Variants in RP1L1 observed in about 807,000 individuals in gnomAD.
The protein encoded by RP1L1 is retinitis pigmentosa 1-like 1 protein.
In RP1L1, 27 loss-of-function variants were observed where a neutral mutation model predicts 15.7. The ratio of observed to expected loss-of-function variants is 1.72; its 90% CI spans 1.27 to 2.38. The LOEUF (loss-of-function observed/expected upper bound fraction) is 2.38, where lower values mean the gene tolerates loss of function less well. Ranked by LOEUF, RP1L1 falls within the 30% of genes most tolerant of loss-of-function variation. The pLI, the probability that RP1L1 is intolerant of heterozygous loss-of-function variation, is 0.00. For missense variants in RP1L1, 4,798 were observed against 3,075.9 expected (o/e 1.56, Z -13.24); for synonymous variants, 1,813 against 1,276.7 (o/e 1.42, Z -8.96).
At position 10,609,379 on chromosome 8, in the gene RP1L1, CTT is replaced by C. The variant is rs1491167601; in HGVS notation, c.4717_4718del (p.Lys1573GlufsTer12). On this transcript the variant is annotated frameshift_variant, in exon 4 of 4. Transcript: ENST00000382483. LOFTEE classifies it low-confidence loss of function (END_TRUNC). ...DVAQRLQDST[K>X]RELQKLQGRA... ...GGCCCTGGAGCTTCTGGAGCTCTCT[CTT>C]GGTGCTGTCCTGGAGGCGTTGGGCC... The C allele has an allele frequency of 2.0e-5, 32 of 1,612,464 alleles. No homozygotes were observed. Among genetic ancestry groups the C allele is most frequent in the Middle Eastern group, 1.6e-4 (1 of 6,084 alleles).
At chr8:10,643,794 G>C (rs116855155) in intron 1 of RP1L1, among the ~76,000 whole-genome samples, 3 of 152,016 alleles carry the variant, frequency 2.0e-5, no homozygotes, top group Non-Finnish European at 4.4e-5. Flanking sequence ...CTCTCACCTG[G>C]GCAGGTGGTG....
rs1173592846 is a variant in RP1L1 at position 10,609,635 on chromosome 8, TG to T, written c.4462del (p.Gln1488LysfsTer36). On this transcript the variant is annotated frameshift_variant, in exon 4 of 4. Coordinates refer to ENST00000382483, the MANE Select transcript of RP1L1 (RefSeq NM_178857.6). LOFTEE classifies it low-confidence loss of function (END_TRUNC). ...EKPPGATMMGQEHTQAQPTQG... is the reference protein window; with the variant it reads ...EKPPGATMMGXEHTQAQPTQG... ...GGTGGGTTGGGCCTGCGTGTGCTCTTGGCCCATCATGGTGGCTCCGGGCGGC... is the reference window on the plus strand; with the variant it reads ...GGTGGGTTGGGCCTGCGTGTGCTCTTGCCCATCATGGTGGCTCCGGGCGGC... 1.2e-6 allele frequency: 2 copies of T among 1,608,830 alleles called. No homozygotes were observed. Among genetic ancestry groups the T allele is most frequent in the Non-Finnish European group, 1.7e-6 (2 of 1,179,976 alleles).
Position 10,611,530 on chromosome 8 carries a change from C to T in RP1L1, c.2568G>A (p.Pro856=), listed in dbSNP as rs367933781. ...SWLCGRYCPT[P]PRGRPCPQRR... is the part of the protein sequence containing the mutation. ...TCTGGGGGCAGGGCCGCCCCCTGGG[C>T]GGGGTGGGACAGTACCTGCCACACA... is the stretch of plus-strand genomic sequence containing the variant. Residue 856 remains proline, a synonymous_variant, in exon 4 of 4, where the codon CCG becomes CCA. Coordinates refer to ENST00000382483, the MANE Select transcript of RP1L1 (RefSeq NM_178857.6). 238 of 1,584,372 alleles carry T rather than the reference C, an allele frequency of 1.5e-4. 1 individual carries two copies. Among genetic ancestry groups the T allele is most frequent in the South Asian group, 4.8e-4 (42 of 88,410 alleles).
chr8:10,653,649 A>G (rs1798595665), intron 1 of RP1L1, among the ~76,000 whole-genome samples: 1 of 118,672 alleles, frequency 8.4e-6, no homozygotes, highest in Non-Finnish European at 2.1e-5. Context: ...GCACACCCAC[A>G]CACGCATACA....
intron 1 of RP1L1, among the ~76,000 whole-genome samples, chr8:10,631,334 TGCACACACACG>T (rs1798243401): frequency 1.5e-4 from 2 of 13,332 alleles, no homozygotes; most frequent in Admixed American, 1.1e-3. Context: ...CACACACACA[TGCACACACACG>T]CACACACATG....
chr8:10,616,376 C>A, intron 3 of RP1L1, 70 bp downstream of exon 3: 2 of 1,601,802 alleles, frequency 1.2e-6, no homozygotes, highest in Non-Finnish European at 1.7e-6. Context: ...ACCTGGAAGG[C>A]TTTCCACTCA....
intron 2 of RP1L1, 60 bp downstream of exon 2, chr8:10,622,533 G>T (rs550931031): frequency 6.2e-7 from 1 of 1,605,446 alleles, no homozygotes; most frequent in Non-Finnish European, 8.5e-7. Flanking sequence ...TTCCATGTGA[G>T]TATTTTGACC....
At chr8:10,644,344 T>C (rs1798446499) in intron 1 of RP1L1, among the ~76,000 whole-genome samples, 1 of 151,592 alleles carries the variant, frequency 6.6e-6, no homozygotes, top group Admixed American at 6.6e-5. Flanking sequence ...CTGCCCATGC[T>C]GAAATTCTGT....
chr8:10,633,348 A>T (rs956644260), intron 1 of RP1L1, among the ~76,000 whole-genome samples: 2 of 152,208 alleles, frequency 1.3e-5, no homozygotes, highest in African/African-American at 4.8e-5. Flanking sequence ...AAGAAGCCTG[A>T]CAAGGCAACC....
rs1434681153 is a variant in RP1L1 at position 10,610,872 on chromosome 8, G to A, written c.3226C>T (p.Pro1076Ser). Residue 1076 changes from proline (P) to serine (S), a missense_variant, in exon 4 of 4, where the codon CCT becomes TCT. Physicochemically the swap from Pro to Ser is moderately conservative, Grantham distance 74 (BLOSUM62 -1). Coordinates refer to ENST00000382483, the MANE Select transcript of RP1L1 (RefSeq NM_178857.6). ...AGCRVSLRAL[P>S]GRVSASTQIM... ...TGCGTGGAGGCAGACACCCGGCCAGGAAGTGCCCGCAGGCTCACCCTGCAG... is the reference window on the plus strand; with the variant it reads ...TGCGTGGAGGCAGACACCCGGCCAGAAAGTGCCCGCAGGCTCACCCTGCAG... 6.2e-7 allele frequency: 1 copy of A among 1,608,930 alleles called. No individual in the cohort carries two copies. The highest frequency in any genetic ancestry group is 8.5e-7 in the Non-Finnish European group (1 of 1,177,468).
In RP1L1 at chr8:10,607,750, T is replaced by C. The variant is rs1797734881; in HGVS notation, c.6348A>G (p.Ile2116Met). ...CCTCCCCTTCAGTCTCTGGGGCCTC[T>C]ATACCTTCTGCCTTCTGGGCCTCCC... ...AEGEAQKAEG[I>M]EAPETEGEAQ... Residue 2116 changes from isoleucine to methionine, a missense_variant, in exon 4 of 4, where the codon ATA becomes ATG. Physicochemically the swap from Ile to Met is conservative, Grantham distance 10 (BLOSUM62 1). Transcript: ENST00000382483. 14 of 1,599,188 alleles carry C rather than the reference T, an allele frequency of 8.8e-6. No individual in the cohort carries two copies. Among genetic ancestry groups the C allele is most frequent in the Non-Finnish European group, 1.1e-5 (13 of 1,175,134 alleles).
At chr8:10,653,871 G>C (rs894642848) in intron 1 of RP1L1, among the ~76,000 whole-genome samples, 6 of 152,132 alleles carry the variant, frequency 3.9e-5, no homozygotes, top group African/African-American at 1.2e-4. Context: ...ATGCATTTCT[G>C]GGCTGTGCAC....
In RP1L1 at chr8:10,609,513, C is replaced by T; in HGVS notation, c.4585G>A (p.Ala1529Thr). Residue 1529 changes from alanine to threonine, a missense_variant, in exon 4 of 4, where the codon GCC becomes ACC. By Grantham distance (58) the Ala-to-Thr change is moderately conservative (BLOSUM62 0). Transcript: ENST00000382483. ...VSVLLKKTEK[A>T]FLAHLASAVA... is the part of the protein sequence containing the mutation. ...GCACTGGCAAGGTGGGCCAGGAAGG[C>T]CTTCTCCGTCTTCTTCAGTAACACG... 1 of 1,609,474 alleles carries T rather than the reference C, an allele frequency of 6.2e-7. No individual in the cohort carries two copies. The highest frequency in any genetic ancestry group is 8.5e-7 in the Non-Finnish European group (1 of 1,178,704).
chr8:10,629,644 G>C (rs1186024123), intron 1 of RP1L1, among the ~76,000 whole-genome samples: 3 of 152,110 alleles, frequency 2.0e-5, no homozygotes. Flanking sequence ...CCCCATAAAT[G>C]ACTTAAACCA....
At position 10,610,800 on chromosome 8, in the gene RP1L1, C is replaced by T. The variant is rs201017740; in HGVS notation, c.3298G>A (p.Val1100Met). 2.0e-4 allele frequency: 318 copies of T among 1,609,968 alleles called. 1 individual carries two copies. The African/African-American group carries it at 2.4e-3, about 12-fold the overall frequency. The change falls in exon 4 of 4, where the codon GTG becomes ATG. Residue 1100 changes from valine (V) to methionine (M), a missense_variant. Physicochemically the swap from Val to Met is conservative, Grantham distance 21. Coordinates refer to ENST00000382483, the MANE Select transcript of RP1L1 (RefSeq NM_178857.6). ...GCCATGGGCCTAGACACTTCGGGCACGCTGCTGGGCCGGCCCTGCTTGGAG... is the reference window on the plus strand; with the variant it reads ...GCCATGGGCCTAGACACTTCGGGCATGCTGCTGGGCCGGCCCTGCTTGGAG... Reference protein sequence around the residue: ...MGSKQGRPSSVPEVSRPMARR... With the variant: ...MGSKQGRPSSMPEVSRPMARR...
rs1189684519 is a variant in RP1L1 at position 10,631,251 on chromosome 8, A to G, written c.-19-8031T>C. Among the ~76,000 whole-genome samples the G allele has an allele frequency of 2.0e-5, 3 of 151,164 alleles. 1 individual carries two copies. The East Asian group carries it at 5.8e-4, about 29-fold the overall frequency. On this transcript the variant is annotated intron_variant, in intron 1 of 3. Transcript: ENST00000382483. ...CGCACACACGTACACACATGCACAC[A>G]TGCACACACACGCACACAAACACGC...
At chr8:10,615,476 C>A (rs957319663) in intron 3 of RP1L1, among the ~76,000 whole-genome samples, 1 of 152,104 alleles carries the variant, frequency 6.6e-6, no homozygotes, top group African/African-American at 2.4e-5. Flanking sequence ...CCATCGTGAC[C>A]CTGAAAGGAT....
chr8:10,647,880 T>C (rs964922737), intron 1 of RP1L1, among the ~76,000 whole-genome samples: 20 of 152,352 alleles, frequency 1.3e-4, no homozygotes, highest in Middle Eastern at 6.8e-3. Flanking sequence ...CTGGATCCTA[T>C]GACAATTGTA....
intron 1 of RP1L1, among the ~76,000 whole-genome samples, chr8:10,626,937 C>A (rs1798168084): frequency 6.6e-6 from 1 of 152,128 alleles, no homozygotes; most frequent in South Asian, 2.1e-4. Context: ...AAAGGAGAGA[C>A]CACAGTGAGA....
Sources: allele counts gnomAD v4.1 joint callset (sites outside exome capture counted in the v4.1 genomes callset), GRCh38; gene constraint gnomAD v4.1.1; transcripts MANE v1.5; gene names NCBI Gene and HGNC (gene_info 2026-07-23, HGNC 2026-07-21).